The following TMTC2 variants were observed in gnomAD, a reference collection of about 807,000 sequenced individuals.
TMTC2 encodes the protein protein O-mannosyl-transferase TMTC2.
A neutral mutation model predicts 82.4 loss-of-function variants in TMTC2; 43 were observed. The observed-to-expected ratio is 0.52, with a 90% CI of 0.41 to 0.67. TMTC2 has a LOEUF of 0.67. Among genes scored for constraint, TMTC2 ranks in the 30% least tolerant of loss-of-function variants. The pLI is 0.00. For synonymous variants in TMTC2, 408 were observed against 381.9 expected (o/e 1.07, Z -0.80); for missense variants, 919 against 1,012.4 (o/e 0.91, Z 1.25).
At chr12:83,084,815 T>G (rs78041578) in intron 11 of TMTC2, among the ~76,000 whole-genome samples, 2,258 of 152,304 alleles carry the variant, frequency 0.015, 51 homozygotes, top group African/African-American at 0.049. Context: ...AAGGCACAAC[T>G]CTATAAATCA....
chr12:82,790,169 G>T, intron 1 of TMTC2, among the ~76,000 whole-genome samples: 1 of 134,654 alleles, frequency 7.4e-6, no homozygotes, highest in African/African-American at 2.7e-5. Context: ...GTGAGACCTT[G>T]TCTCTTAAAA....
rs58427886 is a variant in TMTC2 at position 82,752,147 on chromosome 12, C to CATTT, written c.83+64478_83+64479insATTT. ...ATGTTTTTATATTTATTGGAAGCTC[C>CATTT]TTTTTTTTTTTTTTTTTTTCTGAAG... is the stretch of plus-strand genomic sequence containing the variant. On this transcript the variant is annotated intron_variant, in intron 1 of 11. Transcript: ENST00000321196. Among the ~76,000 whole-genome samples the CATTT allele has an allele frequency of 3.6e-3, 490 of 137,868 alleles. 157 individuals are homozygous for CATTT. Among genetic ancestry groups the CATTT allele is most frequent in the Middle Eastern group, 0.012 (3 of 258 alleles). 90.4% of individuals were successfully genotyped at this position (137,868 alleles called of 152,430 possible). A position where few individuals can be genotyped will look rare whatever the true frequency, so the allele number is the denominator to read the frequency against.
At chr12:83,016,079 A>G (rs951034748) in intron 8 of TMTC2, among the ~76,000 whole-genome samples, 1 of 152,232 alleles carries the variant, frequency 6.6e-6, no homozygotes, top group Non-Finnish European at 1.5e-5. Context: ...TGACTCAAGA[A>G]TCTTTAGCCT....
chr12:82,898,846 A>C (rs1873813832), intron 3 of TMTC2, among the ~76,000 whole-genome samples: 1 of 152,206 alleles, frequency 6.6e-6, no homozygotes, highest in Admixed American at 6.5e-5. Flanking sequence ...TACCCAGCCA[A>C]ATTTTATTAC....
chr12:83,118,383 G>A lies in TMTC2; in HGVS notation c.2332-13827G>A, dbSNP rs573234981. Reference sequence around the variant, plus strand: ...TTGCTTAGGGTTTTAATCATAAAGCGATGCTGGATTTTGTTGAATGCTTTT... The same window carrying A: ...TTGCTTAGGGTTTTAATCATAAAGCAATGCTGGATTTTGTTGAATGCTTTT... On this transcript the variant is annotated intron_variant, in intron 11 of 11. Transcript: ENST00000321196. Among the ~76,000 whole-genome samples, 77 of 152,224 alleles carry A rather than the reference G, an allele frequency of 5.1e-4. 1 individual carries two copies. The highest frequency in any genetic ancestry group is 1.6e-3 in the African/African-American group (68 of 41,536).
chr12:82,735,338 C>T (rs959169359), intron 1 of TMTC2, among the ~76,000 whole-genome samples: 2 of 119,148 alleles, frequency 1.7e-5, no homozygotes, highest in Non-Finnish European at 3.3e-5. Context: ...CAGTTTTATA[C>T]ATTAATTTTG....
intron 9 of TMTC2, among the ~76,000 whole-genome samples, chr12:83,049,140 CTTTTA>C (rs1283975144): frequency 6.6e-6 from 1 of 151,940 alleles, no homozygotes; most frequent in Non-Finnish European, 1.5e-5. Flanking sequence ...TTATCTTTCC[CTTTTA>C]TTTTAGGTTC....
Position 82,930,426 on chromosome 12 carries a change from G to T in TMTC2, c.1484-5G>T. ...AGTCTGAAAATTTCTTTTTCTTCTT[G>T]GCAGCATGGGGTAACCTTGGAAATG... On this transcript the variant is annotated splice_region_variant and splice_polypyrimidine_tract_variant and intron_variant, in intron 3 of 11. Transcript: ENST00000321196. 1 of 1,560,688 alleles carries T rather than the reference G, an allele frequency of 6.4e-7. No homozygotes were observed. Among genetic ancestry groups the T allele is most frequent in the Non-Finnish European group, 8.7e-7 (1 of 1,144,628 alleles).
intron 3 of TMTC2, among the ~76,000 whole-genome samples, chr12:82,898,052 A>G (rs2137184023): frequency 6.6e-6 from 1 of 152,322 alleles, no homozygotes; most frequent in African/African-American, 2.4e-5. Flanking sequence ...GAATTCAGTG[A>G]GCAACTACAC....
At chr12:82,871,332 A>C (rs540214707) in intron 2 of TMTC2, among the ~76,000 whole-genome samples, 9 of 152,080 alleles carry the variant, frequency 5.9e-5, no homozygotes, top group Admixed American at 2.6e-4. Flanking sequence ...GTGAAAATGA[A>C]AGATCCAAGT....
intron 6 of TMTC2, 58 bp from the exon 7 acceptor site, chr12:82,966,861 A>G: frequency 8.0e-7 from 1 of 1,244,208 alleles, no homozygotes; most frequent in South Asian, 1.3e-5. Context: ...TCTTATTTTC[A>G]GTGACGATCC....
rs376845776 is a variant in TMTC2, at chr12:83,022,369, C to G, written c.2071-8429C>G. 1.8e-3 allele frequency among the ~76,000 whole-genome samples: 202 copies of G among 112,492 alleles called. 1 individual carries two copies. Among genetic ancestry groups the G allele is most frequent in the African/African-American group, 6.8e-3 (198 of 29,106 alleles). The allele number at this position is 112,492 out of a possible 152,430, so 73.8% of individuals were successfully genotyped here. On this transcript the variant is annotated intron_variant, in intron 8 of 11. Coordinates refer to ENST00000321196, the MANE Select transcript of TMTC2 (RefSeq NM_152588.3). ...ACTTTATCACACATAACCCTCCCCCCTCCCCCCGCCCCAGTTGTGCATTGC... is the reference window on the plus strand; with the variant it reads ...ACTTTATCACACATAACCCTCCCCCGTCCCCCCGCCCCAGTTGTGCATTGC...
chr12:82,706,371 A>C (rs1873358204), intron 1 of TMTC2, among the ~76,000 whole-genome samples: 1 of 151,852 alleles, frequency 6.6e-6, no homozygotes, highest in African/African-American at 2.4e-5. Flanking sequence ...TTTCAGGAGA[A>C]ATATGTAGGG....
chr12:82,922,568 A>G (rs755759747), intron 3 of TMTC2, among the ~76,000 whole-genome samples: 2 of 144,208 alleles, frequency 1.4e-5, no homozygotes, highest in South Asian at 2.2e-4. Flanking sequence ...AGCTTCCTCT[A>G]TTTTATTCAT....
intron 1 of TMTC2, chr12:82,758,929 A>G (rs1876474466): frequency 6.6e-6 from 1 of 152,170 alleles, no homozygotes; most frequent in Non-Finnish European, 1.5e-5. Context: ...GCCATAAGGA[A>G]AACATACCGG....
At chr12:83,076,697 C>T (rs1448844604) in intron 11 of TMTC2, among the ~76,000 whole-genome samples, 1 of 152,182 alleles carries the variant, frequency 6.6e-6, no homozygotes, top group East Asian at 1.9e-4. Context: ...TATTATTTTA[C>T]AGGTATTTAT....
chr12:82,909,586 C>G (rs911871269), intron 3 of TMTC2, among the ~76,000 whole-genome samples: 5 of 152,012 alleles, frequency 3.3e-5, no homozygotes, highest in Admixed American at 1.3e-4. Context: ...GTGATCCACC[C>G]GCCTCAGCCT....
chr12:83,016,645 G>A (rs1437967703), intron 8 of TMTC2, among the ~76,000 whole-genome samples: 1 of 152,144 alleles, frequency 6.6e-6, no homozygotes, highest in Non-Finnish European at 1.5e-5. Context: ...AGGAATGGGT[G>A]GATGCATGAC....
intron 7 of TMTC2, among the ~76,000 whole-genome samples, chr12:82,968,189 T>C (rs1255213536): frequency 1.3e-5 from 2 of 152,200 alleles, no homozygotes; most frequent in African/African-American, 4.8e-5. Flanking sequence ...TTGAATATCA[T>C]ATTAAACAGC....
Sources: allele counts gnomAD v4.1 joint callset (sites outside exome capture counted in the v4.1 genomes callset), GRCh38; gene constraint gnomAD v4.1.1; transcripts MANE v1.5; gene names NCBI Gene and HGNC (gene_info 2026-07-23, HGNC 2026-07-21).